ARMC3: variants seen among roughly 807,000 people sequenced by gnomAD.
ARMC3 encodes armadillo repeat containing 3, also known as armadillo repeat-containing protein 3.
In ARMC3, 74 loss-of-function variants were observed where a neutral mutation model predicts 90.3. The ratio of observed to expected loss-of-function variants is 0.82; its 90% CI spans 0.68 to 0.99. ARMC3 has a LOEUF of 0.99. ARMC3 is among the 50% of genes least tolerant of loss of function. ARMC3 has a pLI of 0.00. For synonymous variants in ARMC3, 334 were observed against 361.8 expected (o/e 0.92, Z 0.87); for missense variants, 958 against 1,042.8 (o/e 0.92, Z 1.12).
chr10:22,966,404 A>C (rs1448863737), intron 7 of ARMC3, among the ~76,000 whole-genome samples: 1 of 152,176 alleles, frequency 6.6e-6, no homozygotes, highest in Non-Finnish European at 1.5e-5. Context: ...CAAGGAGAAG[A>C]TATGCTTTCT....
intron 8 of ARMC3, among the ~76,000 whole-genome samples, chr10:22,973,845 A>G (rs1246905225): frequency 7.9e-6 from 1 of 125,880 alleles, no homozygotes; most frequent in East Asian, 2.3e-4. Context: ...TCCAAGCTCC[A>G]CCTCCCAGAT....
chr10:22,968,555 T>C, intron 8 of ARMC3, 66 bp downstream of exon 8: 3 of 1,395,340 alleles, frequency 2.2e-6, no homozygotes, highest in South Asian at 3.0e-5. Flanking sequence ...GCTGGAGTGC[T>C]GTGGCGTGAT....
chr10:22,998,204 G>A lies in ARMC3; in HGVS notation c.1232G>A (p.Arg411Gln). The A allele has an allele frequency of 2.5e-6, 4 of 1,613,714 alleles. No individual in the cohort carries two copies. Among genetic ancestry groups the A allele is most frequent in the Middle Eastern group, 1.6e-4 (1 of 6,062 alleles). ...TTAATAAACCTCCTGTCTAGTAAAC[G>A]AGATGGAGCCATTGCCAACGCTGCT... ...DPLINLLSSK[R>Q]DGAIANAATV... The change falls in exon 11 of 19, where the codon CGA becomes CAA. Residue 411 changes from arginine to glutamine, a missense_variant. Arg to Gln is a conservative substitution (Grantham distance 43). Coordinates refer to ENST00000298032, the MANE Select transcript of ARMC3 (RefSeq NM_173081.5).
At chr10:22,966,803 C>T (rs550548002) in intron 7 of ARMC3, among the ~76,000 whole-genome samples, 4 of 152,124 alleles carry the variant, frequency 2.6e-5, no homozygotes, top group Non-Finnish European at 5.9e-5. Context: ...CTTATAAAAC[C>T]ATCAGATCTC....
chr10:23,030,556 CAGA>C, intron 16 of ARMC3, 37 bp from the exon 17 acceptor site: 1 of 1,575,742 alleles, frequency 6.3e-7, no homozygotes, highest in Non-Finnish European at 8.6e-7. Flanking sequence ...GTTTGTTTAG[CAGA>C]AGATGTGATT....
At chr10:23,034,951 G>A (rs892081307) in intron 18 of ARMC3, among the ~76,000 whole-genome samples, 1 of 152,132 alleles carries the variant, frequency 6.6e-6, no homozygotes, top group African/African-American at 2.4e-5. Flanking sequence ...TAGCCAGCTA[G>A]CTCTATATGA....
At chr10:22,953,838 T>C (rs893586273) in intron 3 of ARMC3, among the ~76,000 whole-genome samples, 1 of 152,242 alleles carries the variant, frequency 6.6e-6, no homozygotes, top group Non-Finnish European at 1.5e-5. Context: ...TTGAGATTAA[T>C]TCATATTGTA....
chr10:22,973,347 TTTGA>T (rs1241736673), intron 8 of ARMC3, among the ~76,000 whole-genome samples: 10 of 149,702 alleles, frequency 6.7e-5, no homozygotes, highest in Middle Eastern at 3.6e-3. Context: ...TCCTAACATC[TTTGA>T]TTTATAGTTA....
intron 10 of ARMC3, among the ~76,000 whole-genome samples, chr10:22,986,702 G>T (rs1191514961): frequency 6.6e-6 from 1 of 151,780 alleles, no homozygotes; most frequent in African/African-American, 2.4e-5. Flanking sequence ...ACTTAAAACA[G>T]AAAGCAATCA....
intron 1 of ARMC3, among the ~76,000 whole-genome samples, chr10:22,929,700 ACCGCCACT>A (rs1833857989): frequency 1.3e-5 from 2 of 152,158 alleles, no homozygotes; most frequent in South Asian, 2.1e-4. Context: ...GGCACATGCC[ACCGCCACT>A]CCAGGCTAAT....
intron 16 of ARMC3, among the ~76,000 whole-genome samples, chr10:23,026,922 A>G (rs1053205873): frequency 6.6e-6 from 1 of 152,108 alleles, no homozygotes; most frequent in Non-Finnish European, 1.5e-5. Context: ...AAATCAGTGG[A>G]GCATATTTTT....
intron 2 of ARMC3, 29 bp downstream of exon 2, chr10:22,932,073 A>C: frequency 6.4e-7 from 1 of 1,553,616 alleles, no homozygotes; most frequent in Non-Finnish European, 8.8e-7. Flanking sequence ...TACTAGTAGC[A>C]CTTTAACAAC....
At chr10:22,937,532 T>A (rs1481421702) in intron 2 of ARMC3, among the ~76,000 whole-genome samples, 1 of 152,152 alleles carries the variant, frequency 6.6e-6, no homozygotes, top group East Asian at 1.9e-4. Flanking sequence ...GTGAAGATGA[T>A]CTAAGGCTGT....
At chr10:22,995,978 C>G (rs565119793) in intron 10 of ARMC3, among the ~76,000 whole-genome samples, 3 of 152,110 alleles carry the variant, frequency 2.0e-5, no homozygotes, top group African/African-American at 7.2e-5. Flanking sequence ...GAGGGAAAAC[C>G]ACCAAGTGAC....
intron 12 of ARMC3, among the ~76,000 whole-genome samples, chr10:23,002,548 C>CTCTTTCTTTCTTTCTTTCTT (rs137938291): frequency 8.1e-5 from 12 of 147,570 alleles, no homozygotes; most frequent in African/African-American, 3.0e-4. Flanking sequence ...CATTTCTTTT[C>CTCTTTCTTTCTTTCTTTCTT]TCTTTCTTTC....
chr10:22,965,783 C>T (rs1835414666), intron 7 of ARMC3, among the ~76,000 whole-genome samples: 1 of 152,108 alleles, frequency 6.6e-6, no homozygotes, highest in Admixed American at 6.6e-5. Flanking sequence ...CTCTAATCTG[C>T]CGTTTGGTCC....
At chr10:22,934,591 G>A (rs918702786) in intron 2 of ARMC3, among the ~76,000 whole-genome samples, 12 of 152,130 alleles carry the variant, frequency 7.9e-5, no homozygotes, top group South Asian at 2.1e-4. Context: ...TAAGAGTACC[G>A]GTTCTGGGGC....
At chr10:22,997,423 T>G (rs1406452509) in intron 10 of ARMC3, 2 of 152,186 alleles carry the variant, frequency 1.3e-5, no homozygotes, top group Admixed American at 1.3e-4. Context: ...TGTTAGTATA[T>G]TAATGGTAAC....
At chr10:22,970,036 C>T (rs1203496826) in intron 8 of ARMC3, among the ~76,000 whole-genome samples, 2 of 152,050 alleles carry the variant, frequency 1.3e-5, no homozygotes, top group Non-Finnish European at 2.9e-5. Context: ...TGTATATATT[C>T]GTTTACTCAT....
Sources: allele counts gnomAD v4.1 joint callset (sites outside exome capture counted in the v4.1 genomes callset), GRCh38; gene constraint gnomAD v4.1.1; transcripts MANE v1.5; gene names NCBI Gene and HGNC (gene_info 2026-07-23, HGNC 2026-07-21).